NLGN1: variants seen among roughly 807,000 people sequenced by gnomAD.
NLGN1 encodes the protein neuroligin 1.
A neutral mutation model predicts 65.5 loss-of-function variants in NLGN1; 12 were observed. The ratio of observed to expected loss-of-function variants is 0.18; its 90% CI spans 0.12 to 0.30. NLGN1 has a LOEUF of 0.30. Among genes scored for constraint, NLGN1 ranks in the 10% least tolerant of loss-of-function variants. The pLI, the probability that NLGN1 is intolerant of heterozygous loss-of-function variation, is 1.00. For synonymous variants in NLGN1, 350 were observed against 359.5 expected, an observed-to-expected ratio of 0.97 and a Z score of 0.30; for missense variants, 750 against 1,007.1, an observed-to-expected ratio of 0.74 and a Z score of 3.46.
chr3:173,774,622 G>A (rs567669463), intron 3 of NLGN1, among the ~76,000 whole-genome samples: 1 of 152,174 alleles, frequency 6.6e-6, no homozygotes, highest in South Asian at 2.1e-4. Flanking sequence ...TCTTTTCTTG[G>A]TGTTGAATCT....
At chr3:173,775,048 G>A (rs1427151902) in intron 3 of NLGN1, among the ~76,000 whole-genome samples, 1 of 152,084 alleles carries the variant, frequency 6.6e-6, no homozygotes, top group African/African-American at 2.4e-5. Context: ...CCAAGCTTAT[G>A]CAATTATAGT....
chr3:173,972,675 G>A (rs1418207548), intron 4 of NLGN1, among the ~76,000 whole-genome samples: 2 of 152,050 alleles, frequency 1.3e-5, no homozygotes, highest in African/African-American at 2.4e-5. Flanking sequence ...CTTTTCTGTG[G>A]GAATTGATGA....
intron 3 of NLGN1, among the ~76,000 whole-genome samples, chr3:173,755,577 C>T (rs1012102733): frequency 3.9e-5 from 6 of 152,054 alleles, no homozygotes; most frequent in African/African-American, 1.4e-4. Flanking sequence ...CTAGGGCTGC[C>T]TTTGGAGACA....
intron 4 of NLGN1, among the ~76,000 whole-genome samples, chr3:174,227,929 A>T (rs1247986579): frequency 1.3e-5 from 2 of 152,116 alleles, no homozygotes; most frequent in Non-Finnish European, 2.9e-5. Context: ...AGCATAAATA[A>T]TAGAATCAAA....
At chr3:173,924,056 C>T (rs1366949693) in intron 4 of NLGN1, among the ~76,000 whole-genome samples, 1 of 152,024 alleles carries the variant, frequency 6.6e-6, no homozygotes, top group Non-Finnish European at 1.5e-5. Flanking sequence ...AAAATTCAGC[C>T]ATGACTACAA....
At chr3:173,629,115 T>A (rs113319926) in intron 3 of NLGN1, among the ~76,000 whole-genome samples, 2,032 of 152,164 alleles carry the variant, frequency 0.013, 64 homozygotes, top group African/African-American at 0.047. Flanking sequence ...TATTTTTCAA[T>A]TTAATCACAA....
intron 2 of NLGN1, among the ~76,000 whole-genome samples, chr3:173,518,038 G>A (rs1185629670): frequency 6.6e-6 from 1 of 152,144 alleles, no homozygotes; most frequent in Non-Finnish European, 1.5e-5. Context: ...ATCAAAGGGT[G>A]TATCTGTTTT....
At chr3:173,616,175 C>G (rs1272756691) in intron 3 of NLGN1, among the ~76,000 whole-genome samples, 1 of 152,130 alleles carries the variant, frequency 6.6e-6, no homozygotes, top group Non-Finnish European at 1.5e-5. Context: ...TCAATACCTT[C>G]AAAGGCTAAT....
intron 4 of NLGN1, among the ~76,000 whole-genome samples, chr3:173,939,506 A>G (rs1028597359): frequency 6.6e-6 from 1 of 152,204 alleles, no homozygotes; most frequent in African/African-American, 2.4e-5. Context: ...ACAATCAATA[A>G]AAAAGGCACA....
chr3:173,894,264 T>A (rs1270720341), intron 4 of NLGN1, among the ~76,000 whole-genome samples: 1 of 152,104 alleles, frequency 6.6e-6, no homozygotes, highest in African/African-American at 2.4e-5. Flanking sequence ...ACACACTACC[T>A]AGCAAAAACC....
intron 4 of NLGN1, among the ~76,000 whole-genome samples, chr3:174,044,071 G>A (rs1303277382): frequency 6.6e-6 from 1 of 152,152 alleles, no homozygotes; most frequent in Non-Finnish European, 1.5e-5. Flanking sequence ...TGAAGCCATG[G>A]CCTAGGCTGT....
At chr3:173,439,079 G>C (rs1264127593) in intron 2 of NLGN1, among the ~76,000 whole-genome samples, 1 of 152,120 alleles carries the variant, frequency 6.6e-6, no homozygotes. Flanking sequence ...ATCTGGATTA[G>C]CATATTTAAG....
At chr3:174,150,716 A>G (rs1383866899) in intron 4 of NLGN1, among the ~76,000 whole-genome samples, 1 of 152,174 alleles carries the variant, frequency 6.6e-6, no homozygotes, top group Non-Finnish European at 1.5e-5. Flanking sequence ...AAAGGTAAAT[A>G]TTAGGAAGAA....
chr3:173,561,150 TCA>T (rs1742667201), intron 2 of NLGN1, among the ~76,000 whole-genome samples: 1 of 152,216 alleles, frequency 6.6e-6, no homozygotes, highest in Non-Finnish European at 1.5e-5. Context: ...AAAATGTCTA[TCA>T]TTACTTGGCA....
At chr3:174,127,564 C>T (rs747121140) in intron 4 of NLGN1, among the ~76,000 whole-genome samples, 6 of 152,152 alleles carry the variant, frequency 3.9e-5, no homozygotes, top group Admixed American at 2.6e-4. Context: ...TTAAATGTGT[C>T]GGTCATACTA....
intron 4 of NLGN1, among the ~76,000 whole-genome samples, chr3:174,183,788 G>T (rs1396798795): frequency 2.0e-5 from 3 of 152,150 alleles, no homozygotes; most frequent in Non-Finnish European, 4.4e-5. Flanking sequence ...AGGAAAGTGT[G>T]TTAATACTCC....
chr3:174,258,000 AATTT>A (rs1746129290), intron 4 of NLGN1, among the ~76,000 whole-genome samples: 2 of 151,646 alleles, frequency 1.3e-5, no homozygotes, highest in Admixed American at 1.3e-4. Flanking sequence ...AAATTTAATT[AATTT>A]GATAATTACT....
intron 4 of NLGN1, among the ~76,000 whole-genome samples, chr3:174,243,763 A>G (rs1277445156): frequency 6.6e-6 from 1 of 152,196 alleles, no homozygotes; most frequent in Admixed American, 6.5e-5. Context: ...AATAGTATGT[A>G]CCCTACAAAA....
At chr3:173,519,764 GTTTGGAC>G (rs1734455257) in intron 2 of NLGN1, among the ~76,000 whole-genome samples, 1 of 151,748 alleles carries the variant, frequency 6.6e-6, no homozygotes, top group South Asian at 2.1e-4. Flanking sequence ...TCAGATGAGA[GTTTGGAC>G]TTTGGACTTT....
Sources: allele counts gnomAD v4.1 joint callset (sites outside exome capture counted in the v4.1 genomes callset), GRCh38; gene constraint gnomAD v4.1.1; transcripts MANE v1.5; gene names NCBI Gene and HGNC (gene_info 2026-07-23, HGNC 2026-07-21).